The following GNB2 variants were observed in gnomAD, a reference collection of about 807,000 sequenced individuals.
GNB2 encodes the protein guanine nucleotide-binding protein G(I)/G(S)/G(T) subunit beta-2.
A neutral mutation model predicts 40.7 loss-of-function variants in GNB2; 7 were observed. The observed-to-expected ratio is 0.17, with a 90% CI of 0.10 to 0.32. GNB2 has a LOEUF of 0.32. Ranked by LOEUF, GNB2 falls within the 10% of genes least tolerant of loss-of-function variation. The pLI, the probability that GNB2 is intolerant of heterozygous loss-of-function variation, is 1.00. For synonymous variants in GNB2, 254 were observed against 191.2 expected, an observed-to-expected ratio of 1.33 and a Z score of -2.71; for missense variants, 286 against 473.0, an observed-to-expected ratio of 0.60 and a Z score of 3.67.
chr7:100,678,814 C>A lies in GNB2; in HGVS notation c.*13C>A, dbSNP rs768124037. 12 of 1,578,532 alleles carry A rather than the reference C, an allele frequency of 7.6e-6. No homozygotes were observed. The highest frequency in any genetic ancestry group is 1.0e-5 in the Non-Finnish European group (12 of 1,148,198). Reference sequence around the variant, plus strand: ...GATCTGGAACTAATGGCCCCACCCCCACTGGGCCCAGGCCAGGAGGGGCCC... The same window carrying A: ...GATCTGGAACTAATGGCCCCACCCCAACTGGGCCCAGGCCAGGAGGGGCCC... On this transcript the variant is annotated 3_prime_UTR_variant, in exon 10 of 10. Coordinates refer to ENST00000303210, the MANE Select transcript of GNB2 (RefSeq NM_005273.4).
intron 5 of GNB2, 22 bp from the exon 6 acceptor site, chr7:100,677,476 C>T (rs367878403): frequency 6.8e-5 from 110 of 1,612,884 alleles, no homozygotes; most frequent in East Asian, 1.1e-4. Flanking sequence ...GCTCTGACCC[C>T]GGCGCTTCCC....
chr7:100,678,744 C>G lies in GNB2; in HGVS notation c.966C>G (p.Asp322Glu), dbSNP rs761811231. 2 of 1,613,810 alleles carry G rather than the reference C, an allele frequency of 1.2e-6. No homozygotes were observed. The highest frequency in any genetic ancestry group is 2.2e-5 in the South Asian group (2 of 91,088). ...DNRVSCLGVT[D>E]DGMAVATGSW... Reference sequence around the variant, plus strand: ...GCGTGAGCTGCCTCGGGGTCACCGACGATGGCATGGCTGTGGCCACGGGCT... The same window carrying G: ...GCGTGAGCTGCCTCGGGGTCACCGAGGATGGCATGGCTGTGGCCACGGGCT... Residue 322 changes from aspartate (D) to glutamate (E), a missense_variant, in exon 10 of 10, where the codon GAC (aspartate) becomes GAG (glutamate). Transcript: ENST00000303210.
Position 100,679,039 on chromosome 7 carries a change from G to C in GNB2, c.*238G>C. The stretch of plus-strand genomic sequence containing the variant: ...TCATCCTTCTGCTGCCCTGGGGTTG[G>C]GGCCTCACCCCTCTGGAGGGCCGGA... On this transcript the variant is annotated 3_prime_UTR_variant, in exon 10 of 10. Coordinates refer to ENST00000303210, the MANE Select transcript of GNB2 (RefSeq NM_005273.4). 2 of 519,082 alleles carry C rather than the reference G, an allele frequency of 3.9e-6. No individual in the cohort carries two copies. The highest frequency in any genetic ancestry group is 6.8e-6 in the Non-Finnish European group (2 of 292,088). 32.2% of individuals were successfully genotyped at this position (519,082 alleles called of 1,614,324 possible).
chr7:100,678,703 G>C lies in GNB2; in HGVS notation c.925G>C (p.Ala309Pro). 1 of 1,613,300 alleles carries C rather than the reference G, an allele frequency of 6.2e-7. No homozygotes were observed. The highest frequency in any genetic ancestry group is 2.2e-5 in the East Asian group (1 of 44,878). The change falls in exon 10 of 10, where the codon GCT (alanine) becomes CCT (proline). Residue 309 changes from alanine (A) to proline (P), a missense_variant. Ala to Pro is a conservative substitution (Grantham distance 27). Transcript: ENST00000303210. ...TTCTCTCTTCTTCACAGGAGTCCTC[G>C]CTGGCCACGACAACCGCGTGAGCTG... ...AMKGDRAGVL[A>P]GHDNRVSCLG...
In GNB2 at chr7:100,678,812, C is replaced by T. The variant is rs1264649083; in HGVS notation, c.*11C>T. The T allele has an allele frequency of 2.5e-6, 4 of 1,582,056 alleles. No homozygotes were observed. The highest frequency in any genetic ancestry group is 3.5e-6 in the Non-Finnish European group (4 of 1,151,478). Reference sequence around the variant, plus strand: ...AAGATCTGGAACTAATGGCCCCACCCCCACTGGGCCCAGGCCAGGAGGGGC... The same window carrying T: ...AAGATCTGGAACTAATGGCCCCACCTCCACTGGGCCCAGGCCAGGAGGGGC... On this transcript the variant is annotated 3_prime_UTR_variant, in exon 10 of 10. Transcript: ENST00000303210.
At chr7:100,676,505 G>A in intron 2 of GNB2, 30 bp from the exon 3 acceptor site, 1 of 1,590,542 alleles carries the variant, frequency 6.3e-7, no homozygotes. Flanking sequence ...GTCTTCTCTC[G>A]CGTCTCTCTG....
chr7:100,676,463 C>T (rs1433288081), intron 2 of GNB2, 72 bp from the exon 3 acceptor site: 2 of 1,390,704 alleles, frequency 1.4e-6, no homozygotes, highest in Admixed American at 1.7e-5. Flanking sequence ...CTCCTGTCTT[C>T]TGTTCTCTTC....
rs376741553 is a variant in GNB2 at position 100,678,083 on chromosome 7, C to T, written c.498-15C>T. ...CCTGTCTCTTATCTTTTCTTTCTTC[C>T]TGTCACCTCTCCAGTGCCCTGTGGG... is the stretch of plus-strand genomic sequence containing the variant. On this transcript the variant is annotated splice_polypyrimidine_tract_variant and intron_variant, in intron 7 of 9. Transcript: ENST00000303210. The T allele has an allele frequency of 5.4e-5, 87 of 1,598,426 alleles. No homozygotes were observed. The African/African-American group carries it at 1.1e-3, about 20-fold the overall frequency.
At chr7:100,677,080 C>T (rs1023987316) in intron 4 of GNB2, 6 of 592,706 alleles carry the variant, frequency 1.0e-5, no homozygotes, top group Non-Finnish European at 1.8e-5. Flanking sequence ...TTGAGACCAG[C>T]CTGGGCAACA....
chr7:100,673,997 G>T (rs1361937470), intron 1 of GNB2, 74 bp downstream of exon 1: 1 of 155,268 alleles, frequency 6.4e-6, no homozygotes, highest in Non-Finnish European at 1.4e-5. Flanking sequence ...TCTTCCTTCG[G>T]TCTCCCGGGG....
In GNB2 at chr7:100,677,030, A is replaced by G. The variant is rs1048895948; in HGVS notation, c.203+231A>G. The G allele has an allele frequency of 8.4e-6, 5 of 593,456 alleles. 1 individual carries two copies. The Admixed American group carries it at 8.9e-5, about 11-fold the overall frequency. 36.8% of individuals were successfully genotyped at this position (593,456 alleles called of 1,614,324 possible). On this transcript the variant is annotated intron_variant, in intron 4 of 9. Transcript: ENST00000303210. Reference sequence around the variant, plus strand: ...GGTGGCTCACGCCTGTAATCCCAGCACGTGGGGAGGCCAGGGCAGGATCAC... The same window carrying G: ...GGTGGCTCACGCCTGTAATCCCAGCGCGTGGGGAGGCCAGGGCAGGATCAC...
chr7:100,673,930 T>G lies in GNB2; in HGVS notation c.-90+7T>G. ...CAGAGTCCCACCGCCACAGGTACCT[T>G]CGCTGGCAAAAGGAGTCCTCTCGCC... On this transcript the variant is annotated splice_region_variant and intron_variant, in intron 1 of 9. Transcript: ENST00000303210. The G allele has an allele frequency of 6.0e-6, 1 of 168,022 alleles. No homozygotes were observed. The highest frequency in any genetic ancestry group is 1.2e-5 in the Non-Finnish European group (1 of 80,086). The allele number at this position is 168,022 out of a possible 1,614,324, so 10.4% of individuals were successfully genotyped here. A position where few individuals can be genotyped will look rare whatever the true frequency, so the allele number is the denominator to read the frequency against.
At position 100,679,081 on chromosome 7, in the gene GNB2, C is replaced by G; in HGVS notation, c.*280C>G. On this transcript the variant is annotated 3_prime_UTR_variant, in exon 10 of 10. Coordinates refer to ENST00000303210, the MANE Select transcript of GNB2 (RefSeq NM_005273.4). ...AGGGCCGGAGGCAGGAGGTGGAAAC[C>G]CCAGGGGCTGGCTTTTTTAAAACTG... 2.4e-6 allele frequency: 1 copy of G among 414,632 alleles called. No individual in the cohort carries two copies. 25.7% of individuals were successfully genotyped at this position (414,632 alleles called of 1,614,324 possible).
chr7:100,674,773 C>T (rs181831887), intron 1 of GNB2, among the ~76,000 whole-genome samples: 2 of 152,198 alleles, frequency 1.3e-5, no homozygotes, highest in Non-Finnish European at 2.9e-5. Flanking sequence ...GAGAACGTCG[C>T]CCCCGCCCCC....
rs116478335 is a variant in GNB2 at position 100,677,753 on chromosome 7, G to T, written c.432G>T (p.Gly144=). The change falls in exon 7 of 10, where the codon GGG becomes GGT. Residue 144 remains glycine, a splice_region_variant and synonymous_variant. Coordinates refer to ENST00000303210, the MANE Select transcript of GNB2 (RefSeq NM_005273.4). ...CTGGCTGACCAGCTCCTTCCCCAGGGTACCTGTCGTGTTGCCGCTTCCTGG... is the reference window on the plus strand; with the variant it reads ...CTGGCTGACCAGCTCCTTCCCCAGGTTACCTGTCGTGTTGCCGCTTCCTGG... The part of the protein sequence containing the change: ...RVSRELPGHT[G]YLSCCRFLDD... 6.2e-7 allele frequency: 1 copy of T among 1,613,774 alleles called. No homozygotes were observed. Among genetic ancestry groups the T allele is most frequent in the East Asian group, 2.2e-5 (1 of 44,884 alleles).
At chr7:100,674,335 C>A (rs1006657563) in intron 1 of GNB2, among the ~76,000 whole-genome samples, 12 of 151,754 alleles carry the variant, frequency 7.9e-5, no homozygotes, top group African/African-American at 2.9e-4. Flanking sequence ...TCGCCTTGCA[C>A]AACTCCAAAA....
chr7:100,676,210 A>C lies in GNB2; in HGVS notation c.-56A>C, dbSNP rs1460504483. 1.3e-5 allele frequency: 12 copies of C among 956,074 alleles called. No individual in the cohort carries two copies. The highest frequency in any genetic ancestry group is 1.3e-5 in the Non-Finnish European group (8 of 626,984). 59.2% of individuals were successfully genotyped at this position (956,074 alleles called of 1,614,324 possible). A position where few individuals can be genotyped will look rare whatever the true frequency, so the allele number is the denominator to read the frequency against. ...CCAGCGGCCAGGAGCTGCCTCCCCC[A>C]GCCCCCGTCCCGCGGCCCCCAGCCG... On this transcript the variant is annotated 5_prime_UTR_variant, in exon 2 of 10. Coordinates refer to ENST00000303210, the MANE Select transcript of GNB2 (RefSeq NM_005273.4).
intron 1 of GNB2, chr7:100,675,298 T>A (rs1804324790): frequency 1.3e-5 from 2 of 151,890 alleles, no homozygotes. Flanking sequence ...CGAGAGCGGC[T>A]CCCACGGGCT....
Position 100,676,401 on chromosome 7 carries a change from G to C in GNB2, c.57+79G>C, listed in dbSNP as rs111509272. 5.7e-5 allele frequency: 76 copies of C among 1,338,036 alleles called. No individual in the cohort carries two copies. The African/African-American group carries it at 7.6e-4, about 13-fold the overall frequency. 82.9% of individuals were successfully genotyped at this position (1,338,036 alleles called of 1,614,324 possible). ...GACCGGGTTGGGTGAGGGTGTTGGT[G>C]GGGGAAGGGGGAGGGAGGGCCCCTT... is the stretch of plus-strand genomic sequence containing the variant. On this transcript the variant is annotated intron_variant, in intron 2 of 9. Coordinates refer to ENST00000303210, the MANE Select transcript of GNB2 (RefSeq NM_005273.4).
Sources: gnomAD v4.1 joint callset for allele counts (sites outside exome capture counted in the v4.1 genomes callset) on GRCh38, gnomAD v4.1.1 for gene constraint, MANE v1.5 for transcripts, NCBI Gene and HGNC (gene_info 2026-07-23, HGNC 2026-07-21) for gene names.